Variants in STK32B observed in about 807,000 individuals in gnomAD.
STK32B encodes the protein serine/threonine-protein kinase 32B.
Under a neutral mutation model 52.6 loss-of-function variants are expected in STK32B, and 43 were observed. The observed-to-expected ratio is 0.82, with a 90% CI of 0.64 to 1.05. The LOEUF (loss-of-function observed/expected upper bound fraction) is 1.05, where lower values mean the gene tolerates loss of function less well. Among genes scored for constraint, STK32B ranks in the 50% least tolerant of loss-of-function variants. STK32B has a pLI of 0.00. For missense variants in STK32B, 621 were observed against 534.6 expected (o/e 1.16, Z -1.59); for synonymous variants, 238 against 204.3 (o/e 1.17, Z -1.41).
intron 2 of STK32B, among the ~76,000 whole-genome samples, chr4:5,158,196 C>A (rs1718019790): frequency 6.6e-6 from 1 of 152,164 alleles, no homozygotes; most frequent in Admixed American, 6.5e-5. Context: ...CTCATAATGA[C>A]GTCTCCTTCC....
intron 3 of STK32B, among the ~76,000 whole-genome samples, chr4:5,316,711 A>AT (rs1560311219): frequency 9.4e-4 from 1 of 1,060 alleles, no homozygotes; most frequent in South Asian, 0.038. Flanking sequence ...TATAATATAT[A>AT]ATATAATAAT....
At chr4:5,464,055 G>T (rs934987270) in intron 9 of STK32B, among the ~76,000 whole-genome samples, 2 of 152,172 alleles carry the variant, frequency 1.3e-5, no homozygotes, top group African/African-American at 4.8e-5. Flanking sequence ...CAGTCAGGGC[G>T]GAAGGTGAAG....
At chr4:5,484,105 C>T (rs1294760588) in intron 11 of STK32B, among the ~76,000 whole-genome samples, 2 of 152,132 alleles carry the variant, frequency 1.3e-5, no homozygotes, top group East Asian at 3.9e-4. Context: ...CTATTAGGTC[C>T]ACTTGGTGCA....
At chr4:5,466,916 A>C (rs1717485050) in intron 10 of STK32B, 82 bp downstream of exon 10, 1 of 1,497,012 alleles carries the variant, frequency 6.7e-7, no homozygotes, top group Non-Finnish European at 8.9e-7. Context: ...TGTTTAGCAA[A>C]AAGGGGACAT....
At chr4:5,074,267 A>G (rs947636014) in intron 1 of STK32B, among the ~76,000 whole-genome samples, 7 of 151,640 alleles carry the variant, frequency 4.6e-5, no homozygotes, top group African/African-American at 1.7e-4. Context: ...GTTTTTATTC[A>G]TCTATCAAGT....
At chr4:5,067,631 T>G (rs894274687) in intron 1 of STK32B, among the ~76,000 whole-genome samples, 5 of 152,142 alleles carry the variant, frequency 3.3e-5, no homozygotes, top group African/African-American at 1.2e-4. Flanking sequence ...AATATGATCT[T>G]TATTTTTATT....
In STK32B at chr4:5,446,675, C is replaced by A. The variant is rs1459892984; in HGVS notation, c.565C>A (p.Pro189Thr). 2 of 1,613,778 alleles carry A rather than the reference C, an allele frequency of 1.2e-6. No homozygotes were observed. Among genetic ancestry groups the A allele is most frequent in the Admixed American group, 3.3e-5 (2 of 59,878 alleles). ...SMAGTKPYMA[P>T]EVFQVYMDRG... is the part of the protein sequence containing the mutation. Reference sequence around the variant, plus strand: ...TCTCCTTGTCCTCTCGTTGGCAGCTCCAGAAGTATTCCAGGTGTACATGGA... The same window carrying A: ...TCTCCTTGTCCTCTCGTTGGCAGCTACAGAAGTATTCCAGGTGTACATGGA... The change falls in exon 7 of 12, where the codon CCA becomes ACA. Residue 189 changes from proline (P) to threonine (T), a missense_variant and splice_region_variant. Physicochemically the swap from Pro to Thr is conservative, Grantham distance 38 (BLOSUM62 -1). Transcript: ENST00000282908.
intron 6 of STK32B, among the ~76,000 whole-genome samples, chr4:5,440,416 GGTGT>G (rs1714614155): frequency 6.6e-6 from 1 of 152,052 alleles, no homozygotes; most frequent in African/African-American, 2.4e-5. Flanking sequence ...GTCTGTTGTT[GGTGT>G]GTAAGAATGC....
chr4:5,219,967 T>C (rs1215048150), intron 3 of STK32B, among the ~76,000 whole-genome samples: 1 of 152,168 alleles, frequency 6.6e-6, no homozygotes, highest in Non-Finnish European at 1.5e-5. Flanking sequence ...AAAGGCAGGA[T>C]GGGAATGAAC....
chr4:5,067,706 T>C (rs4389525), intron 1 of STK32B, among the ~76,000 whole-genome samples: 19,044 of 152,138 alleles, frequency 0.13, 1,456 homozygotes, highest in Non-Finnish European at 0.17. Flanking sequence ...TATAAAGAAA[T>C]ACCTGAGACT....
chr4:5,093,510 A>G (rs1046403337), intron 1 of STK32B, among the ~76,000 whole-genome samples: 7 of 152,100 alleles, frequency 4.6e-5, no homozygotes, highest in African/African-American at 1.7e-4. Context: ...GGAATTGAAC[A>G]ATGAGAACAC....
chr4:5,403,490 T>C (rs1354715370), intron 5 of STK32B, among the ~76,000 whole-genome samples: 2 of 152,194 alleles, frequency 1.3e-5, no homozygotes, highest in African/African-American at 2.4e-5. Context: ...TGACATAGCC[T>C]GCGCCCTATT....
chr4:5,192,589 A>G (rs558575495), intron 3 of STK32B, among the ~76,000 whole-genome samples: 3 of 152,216 alleles, frequency 2.0e-5, no homozygotes, highest in Admixed American at 2.0e-4. Flanking sequence ...GCTTTATTAA[A>G]GTAGGATTGG....
Position 5,252,528 on chromosome 4 carries a change from G to C in STK32B, c.261-78692G>C, listed in dbSNP as rs768742816. On this transcript the variant is annotated intron_variant, in intron 3 of 11. Transcript: ENST00000282908. ...AGATGATGAGTGGCCCCATCTGCAG[G>C]TCTTTATTTCTGTGTCCTCCTCTTG... 2.0e-5 allele frequency among the ~76,000 whole-genome samples: 3 copies of C among 152,108 alleles called. No individual in the cohort carries two copies. In the South Asian group the frequency reaches 6.2e-4, roughly 32 times the overall value.
intron 11 of STK32B, among the ~76,000 whole-genome samples, chr4:5,484,031 G>T (rs1718942944): frequency 6.6e-6 from 1 of 152,292 alleles, no homozygotes; most frequent in Admixed American, 6.5e-5. Context: ...TTTGGAATAG[G>T]TGTGGTGTGA....
intron 11 of STK32B, among the ~76,000 whole-genome samples, chr4:5,496,032 G>C (rs566701374): frequency 2.6e-5 from 4 of 152,224 alleles, no homozygotes; most frequent in Non-Finnish European, 5.9e-5. Flanking sequence ...AGGGGTCAGG[G>C]ACCCACTTGA....
At chr4:5,115,229 C>T (rs1003729590) in intron 1 of STK32B, among the ~76,000 whole-genome samples, 8 of 152,124 alleles carry the variant, frequency 5.3e-5, no homozygotes, top group African/African-American at 1.9e-4. Flanking sequence ...CATTCTCCAA[C>T]TTGGAACTCT....
At chr4:5,127,095 G>T (rs757131509) in intron 1 of STK32B, 1 of 512,122 alleles carries the variant, frequency 2.0e-6, no homozygotes, top group Non-Finnish European at 3.9e-6. Flanking sequence ...TTCATGAGCC[G>T]TGAAGGGAAC....
intron 3 of STK32B, among the ~76,000 whole-genome samples, chr4:5,189,388 C>T (rs1424446303): frequency 6.6e-6 from 1 of 152,188 alleles, no homozygotes; most frequent in Non-Finnish European, 1.5e-5. Flanking sequence ...CAGAATGTCA[C>T]ATAATTGGAA....
Sources: allele counts gnomAD v4.1 joint callset (sites outside exome capture counted in the v4.1 genomes callset), GRCh38; gene constraint gnomAD v4.1.1; transcripts MANE v1.5; gene names NCBI Gene and HGNC (gene_info 2026-07-23, HGNC 2026-07-21).